Variants in EDIL3 observed in about 807,000 individuals in gnomAD.
EDIL3 encodes EGF-like repeat and discoidin I-like domain-containing protein 3.
In EDIL3, 37 loss-of-function variants were observed where a neutral mutation model predicts 67.4. That is an observed-to-expected ratio of 0.55 (90% CI 0.42 to 0.72). The LOEUF is 0.72. Among genes scored for constraint, EDIL3 ranks in the 30% least tolerant of loss-of-function variants. The pLI is 0.00. For synonymous variants in EDIL3, 195 were observed against 196.3 expected, an observed-to-expected ratio of 0.99 and a Z score of 0.05; for missense variants, 527 against 586.3, an observed-to-expected ratio of 0.90 and a Z score of 1.04.
At chr5:84,109,793 C>CACCAA (rs1747527611) in intron 5 of EDIL3, among the ~76,000 whole-genome samples, 1 of 152,108 alleles carries the variant, frequency 6.6e-6, no homozygotes, top group African/African-American at 2.4e-5. Flanking sequence ...GGAAGCATGA[C>CACCAA]TGTGATGGGG....
chr5:83,993,234 C>T (rs767985824), intron 9 of EDIL3, among the ~76,000 whole-genome samples: 6 of 152,056 alleles, frequency 3.9e-5, no homozygotes, highest in South Asian at 2.1e-4. Context: ...GTACAGTTGC[C>T]CAAACACAGC....
rs191866135 is a variant in EDIL3, at chr5:84,213,682, C to A, written c.226+16173G>T. ...GAGTAGATATGAAACATATCTAAAT[C>A]TTGTTGAATTCTAGCAGTTGAAGAT... is the stretch of plus-strand genomic sequence containing the variant. On this transcript the variant is annotated intron_variant, in intron 3 of 10. Coordinates refer to ENST00000296591, the MANE Select transcript of EDIL3 (RefSeq NM_005711.5). 5.2e-3 allele frequency among the ~76,000 whole-genome samples: 788 copies of A among 152,098 alleles called. 8 individuals carry two copies. The highest frequency in any genetic ancestry group is 0.018 in the African/African-American group (753 of 41,492).
chr5:84,157,496 T>C (rs558483179), intron 4 of EDIL3, among the ~76,000 whole-genome samples: 2 of 152,070 alleles, frequency 1.3e-5, no homozygotes, highest in Non-Finnish European at 2.9e-5. Context: ...AAAATATGTA[T>C]GTATGTATGT....
chr5:84,262,497 A>T (rs1745243075), intron 1 of EDIL3, among the ~76,000 whole-genome samples: 1 of 152,072 alleles, frequency 6.6e-6, no homozygotes, highest in African/African-American at 2.4e-5. Flanking sequence ...CAATCAGCAA[A>T]TCATAAATAA....
intron 4 of EDIL3, among the ~76,000 whole-genome samples, chr5:84,142,761 G>T (rs142614695): frequency 6.6e-6 from 1 of 151,652 alleles, no homozygotes; most frequent in Admixed American, 6.6e-5. Flanking sequence ...GAAGGAACAT[G>T]GTTCTTGGGC....
At chr5:84,224,377 T>C (rs1210955634) in intron 3 of EDIL3, among the ~76,000 whole-genome samples, 1 of 151,562 alleles carries the variant, frequency 6.6e-6, no homozygotes, top group African/African-American at 2.4e-5. Flanking sequence ...CTTGATTTGC[T>C]ACACCTTATA....
intron 6 of EDIL3, chr5:84,078,908 C>T (rs1746913711): frequency 6.6e-6 from 1 of 152,108 alleles, no homozygotes; most frequent in South Asian, 2.1e-4. Flanking sequence ...CCTGAATAGC[C>T]TTGGGATGAG....
chr5:84,283,223 T>C (rs1273329019), intron 1 of EDIL3, among the ~76,000 whole-genome samples: 2 of 152,136 alleles, frequency 1.3e-5, no homozygotes, highest in Non-Finnish European at 2.9e-5. Flanking sequence ...CCCATATTGG[T>C]ATTTAATAGA....
chr5:84,025,446 G>A lies in EDIL3; in HGVS notation c.1137+34854C>T, dbSNP rs370985930. ...AAACTGTCTAGTGGCAGGAAAACAAGCTCAGGGCTCCCACTGACTCTATAT... is the reference window on the plus strand; with the variant it reads ...AAACTGTCTAGTGGCAGGAAAACAAACTCAGGGCTCCCACTGACTCTATAT... On this transcript the variant is annotated intron_variant, in intron 9 of 10. Transcript: ENST00000296591. Among the ~76,000 whole-genome samples, 310 of 152,258 alleles carry A rather than the reference G, an allele frequency of 2.0e-3. 3 individuals are homozygous for A. Among genetic ancestry groups the A allele is most frequent in the Non-Finnish European group, 3.8e-3 (261 of 68,022 alleles).
At chr5:84,173,934 G>A (rs189153367) in intron 4 of EDIL3, among the ~76,000 whole-genome samples, 5 of 152,290 alleles carry the variant, frequency 3.3e-5, no homozygotes, top group Non-Finnish European at 4.4e-5. Flanking sequence ...CATGAAAGAC[G>A]CCATCTAAGA....
chr5:84,028,663 T>G lies in EDIL3; in HGVS notation c.1137+31637A>C, dbSNP rs539010011. On this transcript the variant is annotated intron_variant, in intron 9 of 10. Transcript: ENST00000296591. The stretch of plus-strand genomic sequence containing the variant: ...AAAAGTCCAAAGTTTTCTGATAATC[T>G]AAACATACAAACACATATATGTATG... Among the ~76,000 whole-genome samples, 25 of 152,268 alleles carry G rather than the reference T, an allele frequency of 1.6e-4. 1 individual carries two copies. The highest frequency in any genetic ancestry group is 6.0e-4 in the African/African-American group (25 of 41,554).
intron 2 of EDIL3, among the ~76,000 whole-genome samples, chr5:84,248,471 T>G (rs1744955163): frequency 6.6e-6 from 1 of 152,206 alleles, no homozygotes; most frequent in African/African-American, 2.4e-5. Flanking sequence ...TTTGTATTTC[T>G]AATTCCTCTA....
intron 9 of EDIL3, among the ~76,000 whole-genome samples, chr5:84,058,060 T>C (rs1173938880): frequency 6.6e-6 from 1 of 152,258 alleles, no homozygotes; most frequent in East Asian, 1.9e-4. Flanking sequence ...ATATCCGAAC[T>C]GAAGCTGAAG....
Position 84,384,521 on chromosome 5 carries a change from A to G in EDIL3, c.-147T>C, listed in dbSNP as rs1178332296. ...CTCTTTCCTCAGCGCTTTGTTAAAC[A>G]AATTCTTGGAGAGGGCGAGAGTGGT... On this transcript the variant is annotated 5_prime_UTR_variant, in exon 1 of 11. Coordinates refer to ENST00000296591, the MANE Select transcript of EDIL3 (RefSeq NM_005711.5). The G allele has an allele frequency of 2.9e-5, 21 of 725,638 alleles. No homozygotes were observed. Among genetic ancestry groups the G allele is most frequent in the Non-Finnish European group, 4.2e-5 (19 of 448,046 alleles). The allele number at this position is 725,638 out of a possible 1,614,324, so 44.9% of individuals were successfully genotyped here.
chr5:84,257,864 G>T (rs1745148723), intron 1 of EDIL3, among the ~76,000 whole-genome samples: 1 of 152,014 alleles, frequency 6.6e-6, no homozygotes, highest in Non-Finnish European at 1.5e-5. Context: ...AGAGAGGAGA[G>T]GTCCTTAGGC....
chr5:84,057,066 T>C (rs1746461672), intron 9 of EDIL3, among the ~76,000 whole-genome samples: 1 of 151,940 alleles, frequency 6.6e-6, no homozygotes, highest in Non-Finnish European at 1.5e-5. Flanking sequence ...AATAAATAAA[T>C]AAAAGGAAAA....
chr5:84,035,036 G>GT (rs998872440), intron 9 of EDIL3, among the ~76,000 whole-genome samples: 23 of 152,028 alleles, frequency 1.5e-4, no homozygotes, highest in Admixed American at 3.3e-4. Flanking sequence ...CCATACTGAT[G>GT]TTTTTTTAAA....
At chr5:84,339,023 T>G (rs1242665639) in intron 1 of EDIL3, among the ~76,000 whole-genome samples, 1 of 152,132 alleles carries the variant, frequency 6.6e-6, no homozygotes, top group Admixed American at 6.6e-5. Flanking sequence ...CTTTCTCTTT[T>G]GTGTACTGGG....
chr5:84,213,858 T>C lies in EDIL3; in HGVS notation c.226+15997A>G, dbSNP rs138274192. ...AAAATAAATTACTTGAAGATGTCTG[T>C]GAGCTTAATGAGACATGAATAACAA... is the stretch of plus-strand genomic sequence containing the variant. On this transcript the variant is annotated intron_variant, in intron 3 of 10. Transcript: ENST00000296591. 2.0e-3 allele frequency among the ~76,000 whole-genome samples: 310 copies of C among 152,334 alleles called. 4 individuals are homozygous for C. Among genetic ancestry groups the C allele is most frequent in the African/African-American group, 7.4e-3 (306 of 41,578 alleles).
Sources: allele counts gnomAD v4.1 joint callset (sites outside exome capture counted in the v4.1 genomes callset), GRCh38; gene constraint gnomAD v4.1.1; transcripts MANE v1.5; gene names NCBI Gene and HGNC (gene_info 2026-07-23, HGNC 2026-07-21).